Variants in TIAM1 observed in about 807,000 individuals in gnomAD.
TIAM1 encodes TIAM Rac1 associated GEF 1, also known as rho guanine nucleotide exchange factor TIAM1.
Under a neutral mutation model 163.5 loss-of-function variants are expected in TIAM1, and 65 were observed. The ratio of observed to expected loss-of-function variants is 0.40; its 90% CI spans 0.33 to 0.49. The LOEUF is 0.49. Among genes scored for constraint, TIAM1 ranks in the 20% least tolerant of loss-of-function variants. TIAM1 has a pLI of 0.77. For missense variants in TIAM1, 1,789 were observed against 2,044.7 expected, an observed-to-expected ratio of 0.87 and a Z score of 2.41; for synonymous variants, 833 against 810.1, an observed-to-expected ratio of 1.03 and a Z score of -0.48.
At chr21:31,490,205 G>A (rs1270481999) in intron 1 of TIAM1, among the ~76,000 whole-genome samples, 1 of 152,118 alleles carries the variant, frequency 6.6e-6, no homozygotes, top group East Asian at 1.9e-4. Flanking sequence ...CCTGCCCTGT[G>A]ATCATGACTT....
At chr21:31,399,137 T>G (rs1028315719) in intron 2 of TIAM1, among the ~76,000 whole-genome samples, 1 of 152,204 alleles carries the variant, frequency 6.6e-6, no homozygotes, top group African/African-American at 2.4e-5. Flanking sequence ...TCATTTATAC[T>G]ATGTATAATA....
chr21:31,301,067 C>T (rs1339294815), intron 2 of TIAM1, among the ~76,000 whole-genome samples: 1 of 152,136 alleles, frequency 6.6e-6, no homozygotes, highest in Non-Finnish European at 1.5e-5. Context: ...AATTTTGGAG[C>T]CGAGTGAGAT....
chr21:31,422,179 C>T (rs895897164), intron 2 of TIAM1, among the ~76,000 whole-genome samples: 1 of 152,128 alleles, frequency 6.6e-6, no homozygotes, highest in African/African-American at 2.4e-5. Flanking sequence ...CCCTAGAAAA[C>T]TAATACAACC....
chr21:31,425,561 A>G (rs901660331), intron 2 of TIAM1, among the ~76,000 whole-genome samples: 2 of 149,702 alleles, frequency 1.3e-5, no homozygotes, highest in African/African-American at 4.9e-5. Context: ...ACAAACTCCT[A>G]CATGATGCTG....
intron 2 of TIAM1, among the ~76,000 whole-genome samples, chr21:31,328,533 G>A (rs1045594167): frequency 6.6e-6 from 1 of 151,742 alleles, no homozygotes; most frequent in African/African-American, 2.4e-5. Flanking sequence ...ACCACGACTG[G>A]CTTATTATTA....
chr21:31,350,651 G>A (rs902334921), intron 2 of TIAM1, among the ~76,000 whole-genome samples: 4 of 152,138 alleles, frequency 2.6e-5, no homozygotes, highest in African/African-American at 9.7e-5. Context: ...TGACATGTCT[G>A]CTCCTGCTTC....
At chr21:31,343,528 C>T (rs1372529164) in intron 1 of TIAM1, among the ~76,000 whole-genome samples, 1 of 152,176 alleles carries the variant, frequency 6.6e-6, no homozygotes, top group Non-Finnish European at 1.5e-5. Context: ...ACCTCCACAG[C>T]CAGGAACCTA....
chr21:31,411,471 CTTTTTT>C (rs11362012), intron 2 of TIAM1, among the ~76,000 whole-genome samples: 5 of 102,732 alleles, frequency 4.9e-5, no homozygotes, highest in African/African-American at 1.5e-4. Flanking sequence ...TCCCAAGAAA[CTTTTTT>C]TTTTTTTTTT....
At chr21:31,420,860 G>A (rs768798761) in intron 2 of TIAM1, among the ~76,000 whole-genome samples, 1 of 152,130 alleles carries the variant, frequency 6.6e-6, no homozygotes, top group African/African-American at 2.4e-5. Context: ...GGTGACTCAC[G>A]TCTGTAATCC....
At position 31,327,874 on chromosome 21, in the gene TIAM1, C is replaced by T. The variant is rs144621481; in HGVS notation, c.-189+11369G>A. Among the ~76,000 whole-genome samples, 108 of 152,110 alleles carry T rather than the reference C, an allele frequency of 7.1e-4. 1 individual carries two copies. Among genetic ancestry groups the T allele is most frequent in the African/African-American group, 2.5e-3 (105 of 41,476 alleles). On this transcript the variant is annotated intron_variant, in intron 2 of 27. Coordinates refer to ENST00000541036, the MANE Select transcript of TIAM1 (RefSeq NM_001353694.2). ...CTCCCAACGCAGCTGTCAGGGAGAA[C>T]CTATGGACCTAAACCAGATCGTGTC...
At chr21:31,440,013 CCT>C (rs1330432081) in intron 2 of TIAM1, among the ~76,000 whole-genome samples, 1 of 152,174 alleles carries the variant, frequency 6.6e-6, no homozygotes, top group Non-Finnish European at 1.5e-5. Flanking sequence ...AGTTACCTAA[CCT>C]CTCTGTGTCT....
chr21:31,275,324 T>G (rs980643796), intron 3 of TIAM1, among the ~76,000 whole-genome samples: 8 of 152,118 alleles, frequency 5.3e-5, no homozygotes, highest in Non-Finnish European at 8.8e-5. Context: ...GAAAGTAAAA[T>G]AAATAGAACA....
intron 2 of TIAM1, among the ~76,000 whole-genome samples, chr21:31,281,197 C>CT (rs2073549743): frequency 6.6e-6 from 1 of 151,012 alleles, no homozygotes. Context: ...GAAAAGGATA[C>CT]TGTATTGTAT....
chr21:31,428,456 G>A (rs937391982), intron 2 of TIAM1, among the ~76,000 whole-genome samples: 17 of 152,116 alleles, frequency 1.1e-4, no homozygotes, highest in African/African-American at 2.7e-4. Flanking sequence ...TACATTAAGC[G>A]ATTCTCTCGA....
intron 2 of TIAM1, among the ~76,000 whole-genome samples, chr21:31,430,225 A>AAAAAT (rs1555978198): frequency 4.4e-5 from 4 of 90,272 alleles, no homozygotes; most frequent in East Asian, 3.1e-4. Flanking sequence ...AAAAAAAAAA[A>AAAAAT]ATATATATAT....
intron 13 of TIAM1, among the ~76,000 whole-genome samples, chr21:31,187,992 A>T (rs2085379852): frequency 6.6e-6 from 1 of 152,180 alleles, no homozygotes; most frequent in African/African-American, 2.4e-5. Flanking sequence ...CTGGGAAAAA[A>T]ATCATCCCAT....
In TIAM1 at chr21:31,438,179, C is replaced by CTT. The variant is rs34844399; in HGVS notation, c.-369+25802_-369+25803dup. ...ACATATGTAATTGCGTATTTGTGAT[C>CTT]TTTTTTTTTTTTTTTTTTTTTTTTT... is the stretch of plus-strand genomic sequence containing the variant. On this transcript the variant is annotated intron_variant, in intron 2 of 28. Coordinates refer to the TIAM1 transcript ENST00000286827. 9.6e-3 allele frequency among the ~76,000 whole-genome samples: 603 copies of CTT among 62,726 alleles called. 107 individuals are homozygous for CTT. Among genetic ancestry groups the CTT allele is most frequent in the Non-Finnish European group, 0.012 (422 of 33,900 alleles). The allele number at this position is 62,726 out of a possible 152,430, so 41.2% of individuals were successfully genotyped here.
intron 2 of TIAM1, among the ~76,000 whole-genome samples, chr21:31,438,632 G>A (rs1414696663): frequency 1.3e-5 from 2 of 152,118 alleles, no homozygotes; most frequent in African/African-American, 2.4e-5. Flanking sequence ...TTTCTTGCAT[G>A]TGTCCTGCTC....
At chr21:31,309,313 C>A (rs1296775646) in intron 2 of TIAM1, among the ~76,000 whole-genome samples, 3 of 152,004 alleles carry the variant, frequency 2.0e-5, no homozygotes, top group East Asian at 3.9e-4. Flanking sequence ...CAAAAATTAG[C>A]CGGGCACGGT....
Sources: gnomAD v4.1 joint callset for allele counts (sites outside exome capture counted in the v4.1 genomes callset) on GRCh38, gnomAD v4.1.1 for gene constraint, MANE v1.5 for transcripts, NCBI Gene and HGNC (gene_info 2026-07-23, HGNC 2026-07-21) for gene names.